Variants in APLP2 observed in about 807,000 individuals in gnomAD.
APLP2 encodes the protein CDEI box-binding protein.
A neutral mutation model predicts 89.9 loss-of-function variants in APLP2; 53 were observed. The observed-to-expected ratio is 0.59, with a 90% CI of 0.47 to 0.74. APLP2 has a LOEUF of 0.74. Among genes scored for constraint, APLP2 ranks in the 30% least tolerant of loss-of-function variants. APLP2 has a pLI of 0.00. For synonymous variants in APLP2, 372 were observed against 348.6 expected, an observed-to-expected ratio of 1.07 and a Z score of -0.75; for missense variants, 973 against 975.9, an observed-to-expected ratio of 1.00 and a Z score of 0.04.
At chr11:130,087,757 GA>G (rs1435460733) in intron 1 of APLP2, among the ~76,000 whole-genome samples, 3 of 152,074 alleles carry the variant, frequency 2.0e-5, no homozygotes, top group Non-Finnish European at 4.4e-5. Flanking sequence ...TAATACTGTA[GA>G]ATGTTTTTCC....
At position 130,130,029 on chromosome 11, in the gene APLP2, C is replaced by G. The variant is rs753440455; in HGVS notation, c.1456-9C>G. 8 of 1,613,824 alleles carry G rather than the reference C, an allele frequency of 5.0e-6. No homozygotes were observed. In the South Asian group the frequency reaches 5.5e-5, roughly 11 times the overall value. On this transcript the variant is annotated splice_polypyrimidine_tract_variant and intron_variant, in intron 10 of 16. Transcript: ENST00000338167. Reference sequence around the variant, plus strand: ...CTCTGGATATTAAAACAACTGTTCTCTCTTGCAGCCTCATCGCATTCTCCA... The same window carrying G: ...CTCTGGATATTAAAACAACTGTTCTGTCTTGCAGCCTCATCGCATTCTCCA...
rs1246139312 is a variant in APLP2, at chr11:130,123,027, G to A, written c.922+514G>A. On this transcript the variant is annotated intron_variant, in intron 6 of 16. Transcript: ENST00000338167. This position sits in a 1 kb window ranked among gnomAD's most constrained non-coding sequence, Gnocchi z 4.0. ...TTTCTCATCTTGCCAATTAAAACAC[G>A]AAAAGGTTGCAGTAGTTCCAGAGCC... Among the ~76,000 whole-genome samples, 2 of 151,720 alleles carry A rather than the reference G, an allele frequency of 1.3e-5. No homozygotes were observed. Among genetic ancestry groups the A allele is most frequent in the East Asian group, 3.9e-4 (2 of 5,158 alleles).
chr11:130,143,281 T>G, intron 16 of APLP2, 66 bp from the exon 17 acceptor site: 1 of 1,447,142 alleles, frequency 6.9e-7, no homozygotes, highest in South Asian at 1.1e-5. Context: ...ATGGCTCAGG[T>G]CTCCCAGCAC....
Position 130,142,814 on chromosome 11 carries a change from A to G in APLP2, c.2155-533A>G, listed in dbSNP as rs145696328. 2.0e-4 allele frequency among the ~76,000 whole-genome samples: 31 copies of G among 152,130 alleles called. No homozygotes were observed. The East Asian group carries it at 5.6e-3, about 28-fold the overall frequency. ...TTTTTATTAGAGATAGGATTTCCCC[A>G]TATTGACCAGGGTGATCTCAAATCC... On this transcript the variant is annotated intron_variant, in intron 16 of 16. Transcript: ENST00000338167.
chr11:130,134,801 G>A (rs1487972089), intron 12 of APLP2, among the ~76,000 whole-genome samples: 1 of 152,170 alleles, frequency 6.6e-6, no homozygotes, highest in Non-Finnish European at 1.5e-5. Flanking sequence ...AGGGCTGCGT[G>A]TGGGGTTGGG....
intron 2 of APLP2, chr11:130,109,883 T>G: frequency 3.0e-6 from 1 of 334,384 alleles, no homozygotes. Flanking sequence ...CCCACTTGTC[T>G]TGGAAGATGG....
intron 3 of APLP2, among the ~76,000 whole-genome samples, chr11:130,115,182 T>C (rs2135866840): frequency 6.6e-6 from 1 of 152,228 alleles, no homozygotes; most frequent in African/African-American, 2.4e-5. Context: ...GCACCTGGAG[T>C]GTACTTTTGT....
chr11:130,122,815 C>G (rs772451401), intron 6 of APLP2, among the ~76,000 whole-genome samples: 2 of 152,184 alleles, frequency 1.3e-5, no homozygotes, highest in African/African-American at 4.8e-5. Context: ...TGTTCCCTCC[C>G]CAAGGGGAGC....
rs550256674 is a variant in APLP2 at position 130,074,553 on chromosome 11, T to C, written c.105+4471T>C. ...TTAATTCTGTTTACCCTTACTAAAT[T>C]TTGAGGCTTTTGGATTTTCTTTCTA... On this transcript the variant is annotated intron_variant, in intron 1 of 16. Coordinates refer to ENST00000338167, the MANE Select transcript of APLP2 (RefSeq NM_001142276.2). Among the ~76,000 whole-genome samples, 13 of 152,340 alleles carry C rather than the reference T, an allele frequency of 8.5e-5. No homozygotes were observed. In the South Asian group the frequency reaches 2.7e-3, roughly 32 times the overall value.
In APLP2 at chr11:130,121,758, G is replaced by A. The variant is rs545528084; in HGVS notation, c.661G>A (p.Glu221Lys). Residue 221 changes from glutamate to lysine, a missense_variant, in exon 5 of 17, where the codon GAA becomes AAA. Physicochemically the swap from Glu to Lys is moderately conservative, Grantham distance 56. Coordinates refer to ENST00000338167, the MANE Select transcript of APLP2 (RefSeq NM_001142276.2). Reference protein sequence around the residue: ...SVSKEEEEEDEEEEEEEDEEE... With the variant: ...SVSKEEEEEDKEEEEEEDEEE... ...GTCAAAAGAAGAGGAAGAGGAAGAT[G>A]AAGAGGAAGAGGAAGAGGAAGATGA... 1.6e-5 allele frequency: 21 copies of A among 1,329,892 alleles called. No homozygotes were observed. In the South Asian group the frequency reaches 2.0e-4, roughly 13 times the overall value. The allele number at this position is 1,329,892 out of a possible 1,614,324, so 82.4% of individuals were successfully genotyped here. A position where few individuals can be genotyped will look rare whatever the true frequency, so the allele number is the denominator to read the frequency against.
intron 1 of APLP2, among the ~76,000 whole-genome samples, chr11:130,095,084 A>C (rs1258570070): frequency 1.4e-5 from 2 of 142,810 alleles, no homozygotes; most frequent in African/African-American, 2.7e-5. Context: ...AAGGAATTGT[A>C]ATCACAGTAC....
chr11:130,109,967 CTG>C (rs1222900770), intron 2 of APLP2: 1 of 203,930 alleles, frequency 4.9e-6, no homozygotes, highest in Non-Finnish European at 9.7e-6. Context: ...TGATTCAACT[CTG>C]TGTTAAAGAG....
At chr11:130,124,499 C>G (rs1950169005) in intron 7 of APLP2, among the ~76,000 whole-genome samples, 1 of 152,168 alleles carries the variant, frequency 6.6e-6, no homozygotes, top group Non-Finnish European at 1.5e-5. Context: ...TCCCTTTTCT[C>G]CATGGCTACT....
intron 1 of APLP2, chr11:130,082,629 T>G (rs2135424395): frequency 6.4e-6 from 1 of 156,310 alleles, no homozygotes; most frequent in East Asian, 1.9e-4. Flanking sequence ...TGCCATGTGT[T>G]TTGTTTTGAA....
chr11:130,074,825 T>C (rs181132650), intron 1 of APLP2, among the ~76,000 whole-genome samples: 2 of 152,302 alleles, frequency 1.3e-5, no homozygotes, highest in East Asian at 3.9e-4. Context: ...CATGAACTAC[T>C]CAAAGAAAAT....
At chr11:130,122,267 A>C (rs1272367768) in intron 5 of APLP2, 38 bp from the exon 6 acceptor site, 1 of 1,610,622 alleles carries the variant, frequency 6.2e-7, no homozygotes, top group Non-Finnish European at 8.5e-7. Flanking sequence ...TGCACATAGG[A>C]GCTATTAACC....
At chr11:130,080,119 C>T (rs1253667305) in intron 1 of APLP2, among the ~76,000 whole-genome samples, 1 of 152,114 alleles carries the variant, frequency 6.6e-6, no homozygotes, top group Non-Finnish European at 1.5e-5. Flanking sequence ...TGAGTTTGAC[C>T]TGTAATTTTT....
intron 11 of APLP2, among the ~76,000 whole-genome samples, chr11:130,132,540 G>C (rs1417134491): frequency 6.6e-6 from 1 of 151,564 alleles, no homozygotes. Context: ...TGGGGTGGAT[G>C]CTAGCCCGTC....
intron 11 of APLP2, among the ~76,000 whole-genome samples, chr11:130,131,660 G>A (rs1950950082): frequency 6.6e-6 from 1 of 152,288 alleles, no homozygotes; most frequent in African/African-American, 2.4e-5. Context: ...TTGATTTTTT[G>A]AAAAGACTTA....
Sources: allele counts gnomAD v4.1 joint callset (sites outside exome capture counted in the v4.1 genomes callset), GRCh38; gene constraint gnomAD v4.1.1; non-coding constraint Gnocchi (gnomAD v3.1); transcripts MANE v1.5; gene names NCBI Gene and HGNC (gene_info 2026-07-23, HGNC 2026-07-21).